PTPRM: variants seen among roughly 807,000 people sequenced by gnomAD.
The protein encoded by PTPRM is protein tyrosine phosphatase receptor type M.
Under a neutral mutation model 186.7 loss-of-function variants are expected in PTPRM, and 47 were observed. That is an observed-to-expected ratio of 0.25 (90% CI 0.20 to 0.32). PTPRM has a LOEUF of 0.32. PTPRM is among the 10% of genes least tolerant of loss of function. The pLI is 1.00. For missense variants in PTPRM, 1,494 were observed against 1,865.0 expected, an observed-to-expected ratio of 0.80 and a Z score of 3.66; for synonymous variants, 668 against 674.9, an observed-to-expected ratio of 0.99 and a Z score of 0.16.
intron 14 of PTPRM, among the ~76,000 whole-genome samples, chr18:8,168,953 A>C (rs1182058941): frequency 1.3e-5 from 2 of 152,214 alleles, no homozygotes; most frequent in African/African-American, 4.8e-5. Flanking sequence ...CAGATTCACT[A>C]TAATATTATG....
chr18:7,899,991 G>A (rs1216206416), intron 3 of PTPRM, among the ~76,000 whole-genome samples: 1 of 150,512 alleles, frequency 6.6e-6, no homozygotes, highest in East Asian at 2.0e-4. Flanking sequence ...GCTAGAATGT[G>A]AGGCTCCCCC....
chr18:8,145,911 G>A (rs567309344), intron 14 of PTPRM, among the ~76,000 whole-genome samples: 13 of 152,210 alleles, frequency 8.5e-5, no homozygotes, highest in African/African-American at 1.4e-4. Context: ...TCACCACACC[G>A]TCTTCCACAA....
chr18:8,010,501 C>A (rs1313386581), intron 7 of PTPRM, among the ~76,000 whole-genome samples: 2 of 152,194 alleles, frequency 1.3e-5, no homozygotes, highest in Non-Finnish European at 2.9e-5. Flanking sequence ...CTTGTCCATT[C>A]TGAAAGACCC....
intron 11 of PTPRM, among the ~76,000 whole-genome samples, chr18:8,112,237 G>C (rs1334342757): frequency 6.6e-6 from 1 of 152,190 alleles, no homozygotes; most frequent in African/African-American, 2.4e-5. Flanking sequence ...TTTTTATTTA[G>C]ACAGAATTAC....
At chr18:8,057,345 A>G (rs2088056134) in intron 7 of PTPRM, among the ~76,000 whole-genome samples, 1 of 151,918 alleles carries the variant, frequency 6.6e-6, no homozygotes, top group Non-Finnish European at 1.5e-5. Context: ...TAAAACTTCA[A>G]AAACCCTAAA....
At chr18:7,884,768 C>A (rs1271620611) in intron 2 of PTPRM, among the ~76,000 whole-genome samples, 3 of 149,690 alleles carry the variant, frequency 2.0e-5, no homozygotes, top group Non-Finnish European at 4.5e-5. Flanking sequence ...ACTAAAAATA[C>A]AAAAAATTAG....
At chr18:7,770,146 G>A (rs567078823) in intron 1 of PTPRM, among the ~76,000 whole-genome samples, 18 of 152,300 alleles carry the variant, frequency 1.2e-4, no homozygotes, top group African/African-American at 4.3e-4. Context: ...TGCTGTAGAT[G>A]ATGGCAAAAT....
At chr18:8,347,740 T>C (rs954880506) in intron 23 of PTPRM, among the ~76,000 whole-genome samples, 1 of 152,168 alleles carries the variant, frequency 6.6e-6, no homozygotes, top group Non-Finnish European at 1.5e-5. Flanking sequence ...GGTTTCTGGT[T>C]TACCCATAAA....
At chr18:7,613,090 A>G (rs1393811208) in intron 1 of PTPRM, among the ~76,000 whole-genome samples, 1 of 152,160 alleles carries the variant, frequency 6.6e-6, no homozygotes, top group Non-Finnish European at 1.5e-5. Flanking sequence ...TTGAGGGCAG[A>G]TATCACCCCA....
chr18:7,773,211 G>T (rs748875802), intron 1 of PTPRM, among the ~76,000 whole-genome samples: 4 of 151,974 alleles, frequency 2.6e-5, no homozygotes, highest in Non-Finnish European at 5.9e-5. Flanking sequence ...AACTTGTGTG[G>T]ACTGTAAGTG....
Position 8,069,772 on chromosome 18 carries a change from G to A in PTPRM, c.1219G>A (p.Val407Ile). The A allele has an allele frequency of 1.9e-6, 3 of 1,613,844 alleles. No individual in the cohort carries two copies. Among genetic ancestry groups the A allele is most frequent in the South Asian group, 1.1e-5 (1 of 91,070 alleles). The change falls in exon 8 of 33, where the codon GTA becomes ATA. Residue 407 changes from valine to isoleucine, a missense_variant. Transcript: ENST00000580170. ...TIRWEPFGYN[V>I]TRCHSYNLTV... ...CCGCTGGGAGCCATTTGGATATAAT[G>A]TAACTCGTTGCCACAGTTATAATCT...
At chr18:7,861,987 G>T (rs1258402216) in intron 2 of PTPRM, among the ~76,000 whole-genome samples, 1 of 152,046 alleles carries the variant, frequency 6.6e-6, no homozygotes, top group Non-Finnish European at 1.5e-5. Flanking sequence ...ACTTTATAAT[G>T]CACATGGTCA....
At chr18:8,301,293 T>A (rs893676595) in intron 20 of PTPRM, among the ~76,000 whole-genome samples, 1 of 152,216 alleles carries the variant, frequency 6.6e-6, no homozygotes, top group African/African-American at 2.4e-5. Flanking sequence ...TTATTTACAC[T>A]ATAAATTTGC....
At chr18:7,991,859 T>C (rs566063126) in intron 7 of PTPRM, among the ~76,000 whole-genome samples, 3 of 152,138 alleles carry the variant, frequency 2.0e-5, no homozygotes, top group African/African-American at 4.8e-5. Flanking sequence ...AGGAAAACCA[T>C]AGGAAAGAAC....
chr18:8,314,319 A>G (rs958751812), intron 20 of PTPRM, among the ~76,000 whole-genome samples: 2 of 152,134 alleles, frequency 1.3e-5, no homozygotes, highest in Admixed American at 6.5e-5. Flanking sequence ...GATAGGACTT[A>G]GGGAACTCAC....
chr18:8,033,593 G>T (rs2086137031), intron 7 of PTPRM, among the ~76,000 whole-genome samples: 1 of 152,136 alleles, frequency 6.6e-6, no homozygotes, highest in South Asian at 2.1e-4. Flanking sequence ...GTATCTATTT[G>T]TGTAGAAAAG....
chr18:7,738,667 T>A (rs2040824979), intron 1 of PTPRM, among the ~76,000 whole-genome samples: 1 of 151,322 alleles, frequency 6.6e-6, no homozygotes, highest in Non-Finnish European at 1.5e-5. Context: ...GGTCTCGATC[T>A]CCTGACCTCG....
chr18:7,595,382 C>T (rs557175676), intron 1 of PTPRM, among the ~76,000 whole-genome samples: 1 of 152,232 alleles, frequency 6.6e-6, no homozygotes, highest in South Asian at 2.1e-4. Flanking sequence ...AAATGCGCCT[C>T]TAGGTAATGA....
intron 1 of PTPRM, among the ~76,000 whole-genome samples, chr18:7,772,952 C>T (rs987451579): frequency 3.9e-5 from 6 of 152,080 alleles, no homozygotes; most frequent in African/African-American, 1.4e-4. Flanking sequence ...TAATTAATCA[C>T]TTTCCCCATG....
Sources: gnomAD v4.1 joint callset for allele counts (sites outside exome capture counted in the v4.1 genomes callset) on GRCh38, gnomAD v4.1.1 for gene constraint, MANE v1.5 for transcripts, NCBI Gene and HGNC (gene_info 2026-07-23, HGNC 2026-07-21) for gene names.